PLEKHA5: variants seen among roughly 807,000 people sequenced by gnomAD.
PLEKHA5 encodes pleckstrin homology domain-containing family A member 5.
Under a neutral mutation model 181.9 loss-of-function variants are expected in PLEKHA5, and 55 were observed. The observed-to-expected ratio is 0.30, with a 90% CI of 0.24 to 0.38. The LOEUF is 0.38. Among genes scored for constraint, PLEKHA5 ranks in the 10% least tolerant of loss-of-function variants. The probability of loss-of-function intolerance (pLI) is 1.00; values close to 1 mark genes in which losing one functional copy is unlikely to be tolerated. For synonymous variants in PLEKHA5, 535 were observed against 529.4 expected (o/e 1.01, Z -0.15); for missense variants, 1,432 against 1,549.5 (o/e 0.92, Z 1.27).
intron 3 of PLEKHA5, among the ~76,000 whole-genome samples, chr12:19,215,570 AAATCATAT>A (rs544939293): frequency 4.6e-5 from 7 of 152,336 alleles, no homozygotes; most frequent in African/African-American, 1.7e-4. Context: ...CTTATATTTG[AAATCATAT>A]AATCATATTC....
At chr12:19,186,759 T>C (rs2049958421) in intron 3 of PLEKHA5, among the ~76,000 whole-genome samples, 1 of 152,196 alleles carries the variant, frequency 6.6e-6, no homozygotes, top group Non-Finnish European at 1.5e-5. Context: ...CTAACTGAGC[T>C]TTCATCTATA....
intron 15 of PLEKHA5, chr12:19,303,803 C>G (rs1249526687): frequency 7.2e-6 from 1 of 139,132 alleles, no homozygotes; most frequent in Non-Finnish European, 1.6e-5. Context: ...TTTAAGATAT[C>G]CTTTCTTTGA....
intron 15 of PLEKHA5, among the ~76,000 whole-genome samples, chr12:19,297,724 CCTT>C (rs1273490617): frequency 1.3e-5 from 2 of 148,868 alleles, no homozygotes; most frequent in Non-Finnish European, 3.0e-5. Context: ...ATAGCTAAAT[CCTT>C]CTTTATAATT....
At chr12:19,191,146 C>T (rs1037812214) in intron 3 of PLEKHA5, among the ~76,000 whole-genome samples, 4 of 152,134 alleles carry the variant, frequency 2.6e-5, no homozygotes, top group African/African-American at 9.7e-5. Flanking sequence ...TATACCTTCT[C>T]TTCTGTTTTG....
rs2095703641 is a variant in PLEKHA5, at chr12:19,376,220, G to A, written c.*701G>A. The A allele has an allele frequency of 6.6e-6, 1 of 151,928 alleles. No homozygotes were observed. Among genetic ancestry groups the A allele is most frequent in the Non-Finnish European group, 1.5e-5 (1 of 67,972 alleles). 9.4% of individuals were successfully genotyped at this position (151,928 alleles called of 1,614,324 possible). A position where few individuals can be genotyped will look rare whatever the true frequency, so the allele number is the denominator to read the frequency against. On this transcript the variant is annotated 3_prime_UTR_variant, in exon 32 of 32. Coordinates refer to ENST00000429027, the MANE Select transcript of PLEKHA5 (RefSeq NM_001256470.2). ...TATTTCATTGGAATACATGTGTACA[G>A]CAATAAGCAGGTTTCCAAATCCGGT... is the stretch of plus-strand genomic sequence containing the variant.
chr12:19,307,580 T>TAGG (rs1234383935), intron 15 of PLEKHA5: 3 of 325,588 alleles, frequency 9.2e-6, no homozygotes, highest in Non-Finnish European at 1.8e-5. Context: ...GATCACATTC[T>TAGG]AGGAGGAGGA....
At chr12:19,173,561 G>A (rs1045820506) in intron 3 of PLEKHA5, among the ~76,000 whole-genome samples, 5 of 151,984 alleles carry the variant, frequency 3.3e-5, no homozygotes, top group Non-Finnish European at 7.4e-5. Context: ...TTTCCCCCAG[G>A]TAACAGTAAT....
intron 3 of PLEKHA5, among the ~76,000 whole-genome samples, chr12:19,222,186 C>A (rs75801276): frequency 6.6e-6 from 1 of 152,006 alleles, no homozygotes; most frequent in East Asian, 1.9e-4. Context: ...TTTATACACA[C>A]GCACCCACAG....
At chr12:19,341,657 TTTC>T (rs2093938361) in intron 21 of PLEKHA5, among the ~76,000 whole-genome samples, 1 of 152,050 alleles carries the variant, frequency 6.6e-6, no homozygotes, top group African/African-American at 2.4e-5. Flanking sequence ...CTTATAGACT[TTTC>T]TTGAGTTTTT....
In PLEKHA5 at chr12:19,359,394, T is replaced by C; in HGVS notation, c.3349-18T>C. ...ATGCACAGTATGAGTATAAAAATGC[T>C]ATATGTCTTTTGAGCAGACTCGAAG... On this transcript the variant is annotated intron_variant, in intron 27 of 31. Coordinates refer to ENST00000429027, the MANE Select transcript of PLEKHA5 (RefSeq NM_001256470.2). 3.1e-6 allele frequency: 5 copies of C among 1,608,606 alleles called. No individual in the cohort carries two copies. Among genetic ancestry groups the C allele is most frequent in the Non-Finnish European group, 4.3e-6 (5 of 1,176,020 alleles).
intron 3 of PLEKHA5, among the ~76,000 whole-genome samples, chr12:19,189,687 A>T (rs2050652368): frequency 6.6e-6 from 1 of 152,180 alleles, no homozygotes; most frequent in Non-Finnish European, 1.5e-5. Flanking sequence ...TTAGGAAAAT[A>T]AATTTGACTC....
chr12:19,165,335 C>T (rs1368627069), intron 3 of PLEKHA5, among the ~76,000 whole-genome samples: 1 of 152,126 alleles, frequency 6.6e-6, no homozygotes, highest in African/African-American at 2.4e-5. Flanking sequence ...AGCTTACACA[C>T]GTGCATCTTT....
Position 19,269,395 on chromosome 12 carries a change from GAA to G in PLEKHA5, c.712-361_712-360del, listed in dbSNP as rs66531923. ...GAGTGAGACTCTGTCTCAAAAAAAA[GAA>G]AAAAAAAAAAAAAGGTGTGAATTGC... On this transcript the variant is annotated intron_variant, in intron 8 of 31. Transcript: ENST00000429027. Among the ~76,000 whole-genome samples, 7 of 105,852 alleles carry G rather than the reference GAA, an allele frequency of 6.6e-5. No homozygotes were observed. The South Asian group carries it at 9.6e-4, about 15-fold the overall frequency. 69.4% of individuals were successfully genotyped at this position (105,852 alleles called of 152,430 possible).
chr12:19,302,906 A>ATTTTTTTTTTTTTTTTT (rs34702332), intron 15 of PLEKHA5, among the ~76,000 whole-genome samples: 6 of 53,996 alleles, frequency 1.1e-4, no homozygotes, highest in South Asian at 1.3e-3. Flanking sequence ...TCTGTATGAA[A>ATTTTTTTTTTTTTTTTT]TTTTTTTTTT....
intron 3 of PLEKHA5, among the ~76,000 whole-genome samples, chr12:19,245,178 CAA>C: frequency 6.6e-6 from 1 of 152,208 alleles, no homozygotes; most frequent in East Asian, 1.9e-4. Flanking sequence ...CCATATAAAA[CAA>C]GAGAAATCTA....
intron 3 of PLEKHA5, among the ~76,000 whole-genome samples, chr12:19,178,262 T>C (rs372048445): frequency 6.6e-6 from 1 of 152,176 alleles, no homozygotes; most frequent in African/African-American, 2.4e-5. Context: ...CAGAAATTGG[T>C]TTGATTTTTC....
intron 3 of PLEKHA5, among the ~76,000 whole-genome samples, chr12:19,215,367 G>T (rs549231934): frequency 1.3e-5 from 2 of 151,984 alleles, no homozygotes; most frequent in Admixed American, 6.6e-5. Context: ...GAATCCAGAC[G>T]CTGAGTAACT....
intron 3 of PLEKHA5, chr12:19,151,006 T>C (rs559157592): frequency 7.2e-5 from 11 of 152,238 alleles, no homozygotes; most frequent in African/African-American, 1.4e-4. Context: ...TACTGCAAGG[T>C]TGGAGATTTG....
At chr12:19,289,873 A>G (rs2078021897) in intron 13 of PLEKHA5, among the ~76,000 whole-genome samples, 1 of 152,004 alleles carries the variant, frequency 6.6e-6, no homozygotes, top group Non-Finnish European at 1.5e-5. Context: ...AATTAATAGA[A>G]CCCAGATCCC....
Sources: allele counts gnomAD v4.1 joint callset (sites outside exome capture counted in the v4.1 genomes callset), GRCh38; gene constraint gnomAD v4.1.1; transcripts MANE v1.5; gene names NCBI Gene and HGNC (gene_info 2026-07-23, HGNC 2026-07-21).